SH3PXD2A: variants seen among roughly 807,000 people sequenced by gnomAD.
SH3PXD2A encodes the protein SH3 and PX domain-containing protein 2A.
In SH3PXD2A, 32 loss-of-function variants were observed where a neutral mutation model predicts 115.2. The ratio of observed to expected loss-of-function variants is 0.28; its 90% CI spans 0.21 to 0.37. The LOEUF is 0.37. SH3PXD2A is among the 10% of genes least tolerant of loss of function. The probability of loss-of-function intolerance (pLI) is 1.00; values close to 1 mark genes in which losing one functional copy is unlikely to be tolerated. For missense variants in SH3PXD2A, 1,328 were observed against 1,498.7 expected, an observed-to-expected ratio of 0.89 and a Z score of 1.88; for synonymous variants, 610 against 629.1, an observed-to-expected ratio of 0.97 and a Z score of 0.45.
At chr10:103,636,425 AAAGAGT>A (rs1394909385) in intron 8 of SH3PXD2A, among the ~76,000 whole-genome samples, 1 of 151,880 alleles carries the variant, frequency 6.6e-6, no homozygotes, top group Admixed American at 6.6e-5. Flanking sequence ...AAAAAAAAAA[AAAGAGT>A]AGAGATGGAA....
rs1227092056 is a variant in SH3PXD2A at position 103,665,015 on chromosome 10, C to G, written c.472+3593G>C. 6.6e-6 allele frequency among the ~76,000 whole-genome samples: 1 copy of G among 152,140 alleles called. No individual in the cohort carries two copies. The highest frequency in any genetic ancestry group is 2.4e-5 in the African/African-American group (1 of 41,432). On this transcript the variant is annotated intron_variant, in intron 7 of 14. Transcript: ENST00000369774. This position sits in a 1 kb window ranked among gnomAD's most constrained non-coding sequence, Gnocchi z 4.0. ...GTTGACTCTTGCCACCTCTACTGAC[C>G]AGACCACAGTGCCTGTTAGGTGGCA...
At position 103,653,666 on chromosome 10, in the gene SH3PXD2A, C is replaced by T. The variant is rs532419261; in HGVS notation, c.604+7317G>A. 7.5e-4 allele frequency among the ~76,000 whole-genome samples: 114 copies of T among 152,312 alleles called. 1 individual carries two copies. Among genetic ancestry groups the T allele is most frequent in the African/African-American group, 2.6e-3 (110 of 41,576 alleles). On this transcript the variant is annotated intron_variant, in intron 8 of 14. Transcript: ENST00000369774. The stretch of plus-strand genomic sequence containing the variant: ...AGGGAGCACCCCCATGCTCACTGCC[C>T]CACCTGCCTGCCTGGCAGCTGGCTC...
chr10:103,773,280 A>G (rs191764234), intron 2 of SH3PXD2A, among the ~76,000 whole-genome samples: 1 of 151,120 alleles, frequency 6.6e-6, no homozygotes, highest in Non-Finnish European at 1.5e-5. Context: ...CTCTGTGGGG[A>G]CCATGCAAGA....
chr10:103,694,598 C>G (rs1473998205), intron 5 of SH3PXD2A, among the ~76,000 whole-genome samples: 1 of 152,174 alleles, frequency 6.6e-6, no homozygotes, highest in Non-Finnish European at 1.5e-5. Context: ...GTTTGAGAAC[C>G]CCCTTGGTAT....
intron 1 of SH3PXD2A, among the ~76,000 whole-genome samples, chr10:103,851,134 A>G (rs1359130434): frequency 7.8e-6 from 1 of 127,830 alleles, no homozygotes; most frequent in African/African-American, 3.1e-5. Flanking sequence ...CTGGAGTCAC[A>G]ATCTAAGGGC....
intron 8 of SH3PXD2A, among the ~76,000 whole-genome samples, chr10:103,648,511 C>G (rs928852835): frequency 2.0e-5 from 3 of 152,194 alleles, no homozygotes; most frequent in Non-Finnish European, 2.9e-5. Context: ...GCAGCCCAGC[C>G]GACAGGGAGA....
At chr10:103,855,160 C>T in intron 1 of SH3PXD2A, 35 bp downstream of exon 1, 2 of 1,484,432 alleles carry the variant, frequency 1.3e-6, no homozygotes. Flanking sequence ...GGACCTCGGG[C>T]CACCCCCAGC....
At position 103,855,372 on chromosome 10, in the gene SH3PXD2A, C is replaced by G. The variant is rs1842931443; in HGVS notation, c.-106G>C. The G allele has an allele frequency of 1.2e-6, 1 of 817,892 alleles. No individual in the cohort carries two copies. Among genetic ancestry groups the G allele is most frequent in the African/African-American group, 1.8e-5 (1 of 54,670 alleles). The allele number at this position is 817,892 out of a possible 1,614,324, so 50.7% of individuals were successfully genotyped here. On this transcript the variant is annotated 5_prime_UTR_variant, in exon 1 of 15. Transcript: ENST00000369774. Reference sequence around the variant, plus strand: ...GGGGTCCCGGGGCCGCCCGCCACCCCGGCCCGGCGCGCCGAACGCTGCCCG... The same window carrying G: ...GGGGTCCCGGGGCCGCCCGCCACCCGGGCCCGGCGCGCCGAACGCTGCCCG...
chr10:103,599,377 G>GGCAGACATGCTCT lies in SH3PXD2A; in HGVS notation c.*2426_*2438dup, dbSNP rs1330174075. ...AGTCCAACTGAGATGCTCTGTGCTT[G>GGCAGACATGCTCT]GCAGACATGCTCTGCACTCCCTCCT... On this transcript the variant is annotated 3_prime_UTR_variant, in exon 15 of 15. Coordinates refer to ENST00000369774, the MANE Select transcript of SH3PXD2A (RefSeq NM_001394015.1). 1 of 152,686 alleles carries GGCAGACATGCTCT rather than the reference G, an allele frequency of 6.5e-6. No homozygotes were observed. The highest frequency in any genetic ancestry group is 2.4e-5 in the African/African-American group (1 of 41,416). 9.5% of individuals were successfully genotyped at this position (152,686 alleles called of 1,614,324 possible).
At chr10:103,660,875 G>A in intron 8 of SH3PXD2A, 108 bp downstream of exon 8, 1 of 1,273,850 alleles carries the variant, frequency 7.9e-7, no homozygotes, top group Middle Eastern at 1.8e-4. Flanking sequence ...CTGCCAGATG[G>A]AAATAACGTA....
At chr10:103,701,533 CCATCCATCCATCCACTACCCATCCAT>C (rs1222259407) in intron 5 of SH3PXD2A, among the ~76,000 whole-genome samples, 2 of 146,102 alleles carry the variant, frequency 1.4e-5, no homozygotes, top group East Asian at 4.3e-4. Context: ...CATCCATCCA[CCATCCATCCATCCACTACCCATCCAT>C]CATCTATCCA....
At chr10:103,767,654 C>T (rs1342748935) in intron 2 of SH3PXD2A, among the ~76,000 whole-genome samples, 1 of 152,136 alleles carries the variant, frequency 6.6e-6, no homozygotes. Flanking sequence ...ACAGAACCAG[C>T]TGTTATTTTA....
chr10:103,850,351 C>T (rs1238578233), intron 1 of SH3PXD2A, among the ~76,000 whole-genome samples: 2 of 152,204 alleles, frequency 1.3e-5, no homozygotes, highest in Non-Finnish European at 2.9e-5. Context: ...CCTGTTCCAA[C>T]AGCCTTGAAG....
intron 5 of SH3PXD2A, among the ~76,000 whole-genome samples, chr10:103,694,353 G>A (rs570863191): frequency 2.6e-5 from 4 of 152,302 alleles, no homozygotes; most frequent in Non-Finnish European, 5.9e-5. Flanking sequence ...GAAAGGAGCA[G>A]AGTCATCCTC....
intron 6 of SH3PXD2A, among the ~76,000 whole-genome samples, chr10:103,674,823 AAAAC>A (rs58728932): frequency 0.013 from 1,984 of 151,648 alleles, 36 homozygotes; most frequent in African/African-American, 0.039. Context: ...CTGTCTCTTA[AAAAC>A]AAACAAACAA....
At chr10:103,842,342 T>TAATCA (rs1239076427) in intron 1 of SH3PXD2A, among the ~76,000 whole-genome samples, 1 of 152,234 alleles carries the variant, frequency 6.6e-6, no homozygotes, top group Admixed American at 6.5e-5. Context: ...CAATGTGTAA[T>TAATCA]AATCAAATCG....
At chr10:103,786,194 G>A (rs1160139355) in intron 2 of SH3PXD2A, among the ~76,000 whole-genome samples, 5 of 152,242 alleles carry the variant, frequency 3.3e-5, no homozygotes, top group East Asian at 1.9e-4. Context: ...TCTCCTCTTC[G>A]AGGTGTGGGG....
Position 103,603,481 on chromosome 10 carries a change from T to C in SH3PXD2A, c.1737A>G (p.Arg579=), listed in dbSNP as rs767714695. ...PELSEEPVED[R]ASGERRPAQP... is the part of the protein sequence containing the mutation. ...GGGCAGGCCGCCTCTCCCCTGAGGC[T>C]CTGTCCTCCACGGGCTCCTCGCTCA... The change falls in exon 15 of 15, where the codon AGA becomes AGG. Residue 579 remains arginine, a synonymous_variant. Coordinates refer to ENST00000369774, the MANE Select transcript of SH3PXD2A (RefSeq NM_001394015.1). The C allele has an allele frequency of 1.2e-6, 2 of 1,611,792 alleles. No individual in the cohort carries two copies. Among genetic ancestry groups the C allele is most frequent in the Non-Finnish European group, 1.7e-6 (2 of 1,178,856 alleles).
At chr10:103,702,351 G>T (rs1431929812) in intron 5 of SH3PXD2A, among the ~76,000 whole-genome samples, 1 of 152,218 alleles carries the variant, frequency 6.6e-6, no homozygotes, top group Non-Finnish European at 1.5e-5. Context: ...CAACATACAA[G>T]TTCCCTTGTG....
Sources: gnomAD v4.1 joint callset for allele counts (sites outside exome capture counted in the v4.1 genomes callset) on GRCh38, gnomAD v4.1.1 for gene constraint, Gnocchi (gnomAD v3.1) non-coding constraint, MANE v1.5 for transcripts, NCBI Gene and HGNC (gene_info 2026-07-23, HGNC 2026-07-21) for gene names.